Variants in NTN4 observed in about 807,000 individuals in gnomAD.
NTN4 encodes the protein netrin-4.
In NTN4, 32 loss-of-function variants were observed where a neutral mutation model predicts 73.6. The ratio of observed to expected loss-of-function variants is 0.44; its 90% confidence interval spans 0.33 to 0.58. The LOEUF (loss-of-function observed/expected upper bound fraction) is 0.58. NTN4 is among the 20% of genes least tolerant of loss of function. The pLI, the probability that NTN4 is intolerant of heterozygous loss-of-function variation, is 0.04. For missense variants in NTN4, 654 were observed against 798.3 expected (o/e 0.82, Z 2.18); for synonymous variants, 258 against 287.5 (o/e 0.90, Z 1.04).
intron 3 of NTN4, among the ~76,000 whole-genome samples, chr12:95,727,695 A>T (rs528828759): frequency 1.3e-5 from 2 of 152,286 alleles, no homozygotes; most frequent in South Asian, 2.1e-4. Flanking sequence ...TGTTTTAATT[A>T]CTATAGATTT....
intron 2 of NTN4, among the ~76,000 whole-genome samples, chr12:95,749,660 A>G (rs1235822637): frequency 6.6e-6 from 1 of 152,188 alleles, no homozygotes; most frequent in East Asian, 1.9e-4. Context: ...CTCTCTGATT[A>G]TACACCCACG....
chr12:95,785,576 G>A (rs557326313), intron 2 of NTN4, among the ~76,000 whole-genome samples: 32 of 152,304 alleles, frequency 2.1e-4, no homozygotes, highest in Non-Finnish European at 3.8e-4. Context: ...CAGAAGAAGC[G>A]GCTGAATGAC....
At chr12:95,748,476 CTTTTTTT>C (rs762351453) in intron 2 of NTN4, among the ~76,000 whole-genome samples, 1 of 105,948 alleles carries the variant, frequency 9.4e-6, no homozygotes, top group Non-Finnish European at 2.0e-5. Context: ...ATTTTCTTTT[CTTTTTTT>C]TTTTTTTTTT....
chr12:95,763,218 G>C, intron 2 of NTN4, among the ~76,000 whole-genome samples: 1 of 152,132 alleles, frequency 6.6e-6, no homozygotes, highest in Non-Finnish European at 1.5e-5. Flanking sequence ...TCTATCAAAA[G>C]TGGTATTAGA....
At chr12:95,726,769 G>C (rs555774121) in intron 3 of NTN4, among the ~76,000 whole-genome samples, 67 of 152,090 alleles carry the variant, frequency 4.4e-4, no homozygotes, top group Non-Finnish European at 8.1e-4. Flanking sequence ...TCGACCTTCA[G>C]GAGTTCAGCC....
intron 5 of NTN4, among the ~76,000 whole-genome samples, chr12:95,706,569 T>C (rs1318097816): frequency 2.6e-5 from 4 of 152,340 alleles, no homozygotes; most frequent in East Asian, 1.9e-4. Context: ...ACTATACTAA[T>C]TGAATTATTG....
chr12:95,784,781 T>G (rs1171974779), intron 2 of NTN4, among the ~76,000 whole-genome samples: 4 of 151,852 alleles, frequency 2.6e-5, no homozygotes, highest in Non-Finnish European at 5.9e-5. Context: ...AAAAAAAGTC[T>G]GCTAAAATAA....
Position 95,790,294 on chromosome 12 carries a change from G to A in NTN4, c.16C>T (p.Arg6Trp), listed in dbSNP as rs1195228108. Residue 6 changes from arginine (R) to tryptophan (W), a missense_variant, in exon 1 of 10, where the codon CGG (arginine) becomes TGG (tryptophan). Arg to Trp is a moderately radical substitution (Grantham distance 101, BLOSUM62 -3). Coordinates refer to ENST00000343702, the MANE Select transcript of NTN4 (RefSeq NM_021229.4). The surrounding 1 kb of genome is among the most constrained non-coding windows in gnomAD (Gnocchi z 6.5). Reference protein sequence around the residue: MGSCARLLLLWGCTVV... With the variant: MGSCAWLLLLWGCTVV... ...GTGCAGCCCCAGAGCAGCAGCAGCCGCGCGCAGCTCCCCATGGCCGGGAGG... is the reference window on the plus strand; with the variant it reads ...GTGCAGCCCCAGAGCAGCAGCAGCCACGCGCAGCTCCCCATGGCCGGGAGG... 2 of 1,532,890 alleles carry A rather than the reference G, an allele frequency of 1.3e-6. No homozygotes were observed. Among genetic ancestry groups the A allele is most frequent in the East Asian group, 5.2e-5 (2 of 38,616 alleles). 95.0% of individuals were successfully genotyped at this position (1,532,890 alleles called of 1,614,324 possible).
At chr12:95,705,201 G>A (rs977732585) in intron 5 of NTN4, among the ~76,000 whole-genome samples, 2 of 151,984 alleles carry the variant, frequency 1.3e-5, no homozygotes, top group East Asian at 1.9e-4. Flanking sequence ...GTATCTTAAT[G>A]TGGTCTTGAT....
intron 3 of NTN4, among the ~76,000 whole-genome samples, chr12:95,726,526 T>G (rs1272295655): frequency 6.6e-6 from 1 of 152,234 alleles, no homozygotes; most frequent in African/African-American, 2.4e-5. Context: ...TGATGGACAT[T>G]TGAGTTGTCT....
chr12:95,676,028 T>A (rs1293865001), intron 7 of NTN4, among the ~76,000 whole-genome samples: 1 of 152,204 alleles, frequency 6.6e-6, no homozygotes, highest in Non-Finnish European at 1.5e-5. Flanking sequence ...TGAATCCAAG[T>A]TGCCCTCCTG....
intron 9 of NTN4, among the ~76,000 whole-genome samples, chr12:95,665,380 C>A (rs2078171469): frequency 6.6e-6 from 1 of 152,120 alleles, no homozygotes; most frequent in South Asian, 2.1e-4. Context: ...GAAACAGATG[C>A]TTTTCAAGCA....
chr12:95,697,231 CCGTAAGT>C (rs2078449391), intron 5 of NTN4, among the ~76,000 whole-genome samples: 1 of 152,050 alleles, frequency 6.6e-6, no homozygotes, highest in African/African-American at 2.4e-5. Flanking sequence ...CATTCTCCAC[CCGTAAGT>C]ACCTTTCACT....
At chr12:95,787,529 C>T (rs1190624746) in intron 1 of NTN4, 61 bp from the exon 2 acceptor site, 1 of 1,525,430 alleles carries the variant, frequency 6.6e-7, no homozygotes, top group Non-Finnish European at 8.9e-7. Flanking sequence ...CTTTTGGCCA[C>T]CTAGTCCATC....
chr12:95,768,638 CA>C (rs2079036068), intron 2 of NTN4, among the ~76,000 whole-genome samples: 1 of 152,080 alleles, frequency 6.6e-6, no homozygotes, highest in Non-Finnish European at 1.5e-5. Context: ...CCTGGGGAGT[CA>C]CTGAAGAGTT....
At chr12:95,790,937 G>T (rs930786076), upstream of NTN4, among the ~76,000 whole-genome samples, 1 of 149,052 alleles carries the variant, frequency 6.7e-6, no homozygotes, top group Non-Finnish European at 1.5e-5. This position sits in a 1 kb window ranked among gnomAD's most constrained non-coding sequence, Gnocchi z 6.5. Flanking sequence ...CCGGGGGGGG[G>T]GTCCCCCGCG....
chr12:95,762,567 A>G (rs927543345), intron 2 of NTN4, among the ~76,000 whole-genome samples: 1 of 152,254 alleles, frequency 6.6e-6, no homozygotes, highest in Admixed American at 6.5e-5. Flanking sequence ...AATAAAGACC[A>G]GCAATTGGCT....
chr12:95,717,807 A>C (rs1032089868), intron 3 of NTN4, among the ~76,000 whole-genome samples: 15 of 152,320 alleles, frequency 9.8e-5, no homozygotes, highest in Admixed American at 8.5e-4. Context: ...GTGTCTAGTT[A>C]TCTAATTAAA....
intron 2 of NTN4, among the ~76,000 whole-genome samples, chr12:95,764,877 AT>A (rs976741086): frequency 6.6e-6 from 1 of 152,114 alleles, no homozygotes; most frequent in African/African-American, 2.4e-5. Context: ...CTTAAGAGAG[AT>A]TTTTTTAAAG....
Sources: gnomAD v4.1 joint callset for allele counts (sites outside exome capture counted in the v4.1 genomes callset) on GRCh38, gnomAD v4.1.1 for gene constraint, Gnocchi (gnomAD v3.1) non-coding constraint, MANE v1.5 for transcripts, NCBI Gene and HGNC (gene_info 2026-07-23, HGNC 2026-07-21) for gene names.